Variants in ZFHX3 observed in about 807,000 individuals in gnomAD.
ZFHX3 encodes zinc finger homeobox protein 3.
Under a neutral mutation model 279.1 loss-of-function variants are expected in ZFHX3, and 42 were observed. The ratio of observed to expected loss-of-function variants is 0.15; its 90% CI spans 0.12 to 0.19. The LOEUF (loss-of-function observed/expected upper bound fraction) is 0.19. ZFHX3 is among the 10% of genes least tolerant of loss of function. The probability of loss-of-function intolerance (pLI) is 1.00; values close to 1 mark genes in which losing one functional copy is unlikely to be tolerated. For synonymous variants in ZFHX3, 2,293 were observed against 1,957.8 expected (o/e 1.17, Z -4.52); for missense variants, 4,981 against 4,754.0 (o/e 1.05, Z -1.40).
chr16:73,791,099 G>C (rs536031862), intron 1 of ZFHX3, among the ~76,000 whole-genome samples: 1 of 151,992 alleles, frequency 6.6e-6, no homozygotes, highest in Non-Finnish European at 1.5e-5. Flanking sequence ...CAAGTAGCTG[G>C]GACTACAGGT....
chr16:73,396,115 T>C (rs2017124497), intron 3 of ZFHX3, among the ~76,000 whole-genome samples: 1 of 152,202 alleles, frequency 6.6e-6, no homozygotes, highest in African/African-American at 2.4e-5. Flanking sequence ...AGGACCTAAA[T>C]GGAAGATGGG....
rs113720018 is a variant in ZFHX3, at chr16:73,468,946, G to T, written c.-1546-12688C>A. 5.3e-3 allele frequency among the ~76,000 whole-genome samples: 810 copies of T among 152,306 alleles called. 8 individuals are homozygous for T. Among genetic ancestry groups the T allele is most frequent in the African/African-American group, 0.018 (758 of 41,568 alleles). On this transcript the variant is annotated intron_variant, in intron 2 of 17. Coordinates refer to the ZFHX3 transcript ENST00000641206. ...CTGCATAATGAGGAGGAGAAGGAAA[G>T]AAGAAGCTGTGTGATAAGTGCTTTA...
At chr16:73,308,435 C>T (rs537405719) in intron 4 of ZFHX3, among the ~76,000 whole-genome samples, 2 of 151,860 alleles carry the variant, frequency 1.3e-5, no homozygotes, top group South Asian at 4.2e-4. Flanking sequence ...CGATTACAGG[C>T]ACTCACCACC....
rs1264386161 is a variant in ZFHX3 at position 73,138,693 on chromosome 16, G to C, written c.-1024+5059C>G. ...GCCCCCTACTTCTTTTTTTGAGATA[G>C]GGTCTCACTTTTGAGATAGGGTCTC... On this transcript the variant is annotated intron_variant, in intron 6 of 17. Coordinates refer to the ZFHX3 transcript ENST00000641206. Among the ~76,000 whole-genome samples the C allele has an allele frequency of 4.1e-5, 6 of 146,336 alleles. No homozygotes were observed. In the South Asian group the frequency reaches 8.3e-4, roughly 20 times the overall value.
chr16:73,737,797 T>C (rs746581407), intron 1 of ZFHX3, among the ~76,000 whole-genome samples: 1 of 152,140 alleles, frequency 6.6e-6, no homozygotes, highest in African/African-American at 2.4e-5. Context: ...TTTCCTGTGG[T>C]TTTGTTCTTT....
At chr16:73,589,893 A>G (rs2051976278) in intron 2 of ZFHX3, among the ~76,000 whole-genome samples, 1 of 152,170 alleles carries the variant, frequency 6.6e-6, no homozygotes, top group South Asian at 2.1e-4. Flanking sequence ...TAACTGTGTA[A>G]CTAGTTGGAA....
intron 1 of ZFHX3, among the ~76,000 whole-genome samples, chr16:73,831,391 T>A (rs768377137): frequency 1.3e-5 from 2 of 152,024 alleles, no homozygotes; most frequent in Non-Finnish European, 2.9e-5. Context: ...TGATGAGAGG[T>A]GCTAAATAAG....
intron 8 of ZFHX3, among the ~76,000 whole-genome samples, chr16:73,084,848 A>T (rs577411790): frequency 3.3e-5 from 5 of 152,180 alleles, no homozygotes; most frequent in African/African-American, 1.2e-4. Context: ...AACCAAATAC[A>T]TGAAAGATCT....
intron 1 of ZFHX3, among the ~76,000 whole-genome samples, chr16:72,997,397 T>C (rs1375444068): frequency 6.6e-6 from 1 of 152,126 alleles, no homozygotes; most frequent in African/African-American, 2.4e-5. Context: ...AAGAGGGCTG[T>C]TCCAAGTCTT....
intron 3 of ZFHX3, among the ~76,000 whole-genome samples, chr16:72,937,165 C>T (rs1217734465): frequency 6.6e-6 from 1 of 152,062 alleles, no homozygotes; most frequent in Non-Finnish European, 1.5e-5. Flanking sequence ...ATGCAAATGC[C>T]AGGTGGGGAG....
intron 2 of ZFHX3, among the ~76,000 whole-genome samples, chr16:73,474,863 T>C (rs1322501079): frequency 1.3e-5 from 2 of 152,206 alleles, no homozygotes; most frequent in Non-Finnish European, 2.9e-5. Context: ...GGGTAAGAGA[T>C]GAGTGGGTAA....
chr16:73,543,425 C>G (rs906595990), intron 2 of ZFHX3, among the ~76,000 whole-genome samples: 3 of 152,164 alleles, frequency 2.0e-5, no homozygotes, highest in African/African-American at 7.2e-5. Flanking sequence ...CTGGTCCCCC[C>G]TTTCCTTGTG....
At chr16:73,321,623 A>G (rs1002440552) in intron 3 of ZFHX3, among the ~76,000 whole-genome samples, 14 of 152,242 alleles carry the variant, frequency 9.2e-5, no homozygotes, top group Non-Finnish European at 1.5e-4. Flanking sequence ...GGTCCAGAAT[A>G]GGATGCAGCT....
chr16:73,114,028 C>T (rs1015406183), intron 7 of ZFHX3, among the ~76,000 whole-genome samples: 2 of 151,842 alleles, frequency 1.3e-5, no homozygotes, highest in South Asian at 4.2e-4. Flanking sequence ...CATCTCCTGA[C>T]CTTGTGATCT....
At chr16:73,409,232 G>A (rs1373249763) in intron 3 of ZFHX3, among the ~76,000 whole-genome samples, 1 of 152,080 alleles carries the variant, frequency 6.6e-6, no homozygotes, top group Non-Finnish European at 1.5e-5. Context: ...AAAAGCTTAG[G>A]GTTCCCTGGA....
chr16:73,045,474 A>C (rs1325785884), intron 1 of ZFHX3, among the ~76,000 whole-genome samples: 1 of 152,168 alleles, frequency 6.6e-6, no homozygotes, highest in Non-Finnish European at 1.5e-5. Context: ...GCAAGAAGGC[A>C]GGCACTTCAC....
intron 3 of ZFHX3, among the ~76,000 whole-genome samples, chr16:73,371,991 C>G (rs934606538): frequency 3.9e-5 from 6 of 152,232 alleles, no homozygotes; most frequent in Non-Finnish European, 4.4e-5. Flanking sequence ...ACATGTCACG[C>G]GAATTTTTCT....
At chr16:73,710,378 T>C (rs75839861) in intron 1 of ZFHX3, among the ~76,000 whole-genome samples, 5,626 of 152,288 alleles carry the variant, frequency 0.037, 156 homozygotes, top group East Asian at 0.1. Context: ...TTTTTAACTA[T>C]GTCCAAAGCC....
chr16:73,423,515 C>A (rs1201293745), intron 3 of ZFHX3, among the ~76,000 whole-genome samples: 1 of 152,078 alleles, frequency 6.6e-6, no homozygotes, highest in Non-Finnish European at 1.5e-5. Flanking sequence ...GTCATTTGTC[C>A]CAATGGAAGG....
Sources: gnomAD v4.1 joint callset for allele counts (sites outside exome capture counted in the v4.1 genomes callset) on GRCh38, gnomAD v4.1.1 for gene constraint, MANE v1.5 for transcripts, NCBI Gene and HGNC (gene_info 2026-07-23, HGNC 2026-07-21) for gene names.